The following HHAT variants were observed in gnomAD, a reference collection of about 807,000 sequenced individuals.
The protein encoded by HHAT is protein-cysteine N-palmitoyltransferase HHAT.
Under a neutral mutation model 70.8 loss-of-function variants are expected in HHAT, and 47 were observed. That is an observed-to-expected ratio of 0.66 (90% CI 0.53 to 0.85). The LOEUF (loss-of-function observed/expected upper bound fraction) is 0.85. HHAT is among the 40% of genes least tolerant of loss of function. HHAT has a pLI of 0.00. For synonymous variants in HHAT, 228 were observed against 247.6 expected (o/e 0.92, Z 0.74); for missense variants, 609 against 604.8 (o/e 1.01, Z -0.07).
intron 9 of HHAT, among the ~76,000 whole-genome samples, chr1:210,552,223 C>A (rs114062834): frequency 6.6e-6 from 1 of 152,284 alleles, no homozygotes; most frequent in African/African-American, 2.4e-5. Flanking sequence ...CTCCTCGGGG[C>A]AATGGAATTT....
At chr1:210,535,228 A>G (rs1487099487) in intron 9 of HHAT, among the ~76,000 whole-genome samples, 1 of 152,176 alleles carries the variant, frequency 6.6e-6, no homozygotes, top group East Asian at 1.9e-4. Context: ...CCATGTGAAC[A>G]TGCCCATATC....
At chr1:210,596,627 A>C (rs1663070107) in intron 10 of HHAT, among the ~76,000 whole-genome samples, 1 of 152,032 alleles carries the variant, frequency 6.6e-6, no homozygotes, top group African/African-American at 2.4e-5. Flanking sequence ...TCAGTATGTC[A>C]GTTGCATTTT....
intron 9 of HHAT, among the ~76,000 whole-genome samples, chr1:210,538,517 G>GA (rs969944248): frequency 2.0e-5 from 3 of 152,134 alleles, no homozygotes; most frequent in African/African-American, 7.2e-5. Flanking sequence ...AGCATTTCTG[G>GA]AAAAACAAGG....
chr1:210,468,597 C>A (rs1229996992), intron 8 of HHAT, among the ~76,000 whole-genome samples: 1 of 152,110 alleles, frequency 6.6e-6, no homozygotes, highest in Non-Finnish European at 1.5e-5. Context: ...GCATTGATTG[C>A]ATGGGCTTTT....
intron 9 of HHAT, among the ~76,000 whole-genome samples, chr1:210,584,736 C>T (rs1276954645): frequency 6.6e-6 from 1 of 152,200 alleles, no homozygotes; most frequent in Non-Finnish European, 1.5e-5. Context: ...CCACTGTCTT[C>T]ACTCACACCC....
At chr1:210,491,108 A>C (rs1047125153) in intron 8 of HHAT, among the ~76,000 whole-genome samples, 32 of 151,624 alleles carry the variant, frequency 2.1e-4, no homozygotes, top group African/African-American at 7.5e-4. Context: ...CTGGATTGAA[A>C]GTGGGAAGAA....
At chr1:210,604,873 C>T (rs1050497709) in intron 10 of HHAT, among the ~76,000 whole-genome samples, 2 of 152,100 alleles carry the variant, frequency 1.3e-5, no homozygotes, top group Admixed American at 6.5e-5. Context: ...AAAAATCAGC[C>T]TGTTGTGATA....
chr1:210,588,121 G>C (rs748895303), intron 10 of HHAT, 22 bp downstream of exon 10: 1 of 1,556,596 alleles, frequency 6.4e-7, no homozygotes, highest in South Asian at 1.2e-5. Flanking sequence ...CCTTGCTGCT[G>C]TGTTAGGGGA....
At chr1:210,663,705 C>T (rs761268665) in intron 11 of HHAT, among the ~76,000 whole-genome samples, 1 of 152,216 alleles carries the variant, frequency 6.6e-6, no homozygotes, top group Non-Finnish European at 1.5e-5. Context: ...AAGTGTGGTT[C>T]TCAGACCAGC....
Position 210,604,377 on chromosome 1 carries a change from C to T in HHAT, c.1245+16278C>T, listed in dbSNP as rs532042937. ...CTGGGATTACAGGCCTGAGTCACTG[C>T]GCCCAGCCTAAAATAGTTTTATTGA... On this transcript the variant is annotated intron_variant, in intron 10 of 11. Coordinates refer to ENST00000261458, the MANE Select transcript of HHAT (RefSeq NM_018194.6). Among the ~76,000 whole-genome samples the T allele has an allele frequency of 5.9e-5, 9 of 152,046 alleles. No individual in the cohort carries two copies. The East Asian group carries it at 1.4e-3, about 23-fold the overall frequency.
chr1:210,568,663 G>T (rs917195853), intron 9 of HHAT, among the ~76,000 whole-genome samples: 1 of 152,186 alleles, frequency 6.6e-6, no homozygotes, highest in Non-Finnish European at 1.5e-5. Flanking sequence ...GTTGCCATTG[G>T]TTACTTGGCT....
intron 7 of HHAT, among the ~76,000 whole-genome samples, chr1:210,457,847 C>T (rs2093901558): frequency 6.6e-6 from 1 of 152,122 alleles, no homozygotes; most frequent in South Asian, 2.1e-4. Flanking sequence ...ACTGGACATG[C>T]TACTCTGTGT....
At chr1:210,525,020 T>C (rs1457250118) in intron 9 of HHAT, among the ~76,000 whole-genome samples, 2 of 151,972 alleles carry the variant, frequency 1.3e-5, no homozygotes, top group Non-Finnish European at 2.9e-5. Context: ...CTAGGAAATG[T>C]ACTTGGGATA....
At chr1:210,606,194 C>T (rs1266234693) in intron 10 of HHAT, among the ~76,000 whole-genome samples, 1 of 152,112 alleles carries the variant, frequency 6.6e-6, no homozygotes, top group African/African-American at 2.4e-5. Flanking sequence ...CTATTAACTG[C>T]TTTCTTTATG....
At chr1:210,638,997 T>C (rs527315809) in intron 11 of HHAT, among the ~76,000 whole-genome samples, 4 of 152,340 alleles carry the variant, frequency 2.6e-5, no homozygotes, top group Admixed American at 2.6e-4. Flanking sequence ...AATTGTGTTC[T>C]TTAAATTGGT....
intron 4 of HHAT, among the ~76,000 whole-genome samples, chr1:210,392,225 G>A (rs1225352878): frequency 6.6e-6 from 1 of 152,114 alleles, no homozygotes; most frequent in Non-Finnish European, 1.5e-5. Flanking sequence ...TGGGCAGAAG[G>A]AAAGGTGGGA....
intron 9 of HHAT, among the ~76,000 whole-genome samples, chr1:210,565,723 G>A (rs533102620): frequency 1.3e-5 from 2 of 152,258 alleles, no homozygotes; most frequent in Admixed American, 6.5e-5. Flanking sequence ...CCAGTTGGTG[G>A]GTTGGTATTT....
intron 8 of HHAT, among the ~76,000 whole-genome samples, chr1:210,481,257 G>C (rs1160333475): frequency 6.6e-6 from 1 of 152,036 alleles, no homozygotes; most frequent in Admixed American, 6.6e-5. Flanking sequence ...GCTAGCCTCT[G>C]GTTACAAACT....
chr1:210,348,350 C>T (rs1190233816), intron 1 of HHAT, among the ~76,000 whole-genome samples: 1 of 152,216 alleles, frequency 6.6e-6, no homozygotes, highest in African/African-American at 2.4e-5. Flanking sequence ...ATCCTCCCAT[C>T]TTGGCCTCCC....
Sources: gnomAD v4.1 joint callset for allele counts (sites outside exome capture counted in the v4.1 genomes callset) on GRCh38, gnomAD v4.1.1 for gene constraint, MANE v1.5 for transcripts, NCBI Gene and HGNC (gene_info 2026-07-23, HGNC 2026-07-21) for gene names.